The following SHISA9 variants were observed in gnomAD, a reference collection of about 807,000 sequenced individuals.
SHISA9 encodes the protein shisa family member 9.
SHISA9 carries 13 observed loss-of-function variants against 38.0 expected under a neutral mutation model. The ratio of observed to expected loss-of-function variants is 0.34; its 90% CI spans 0.22 to 0.54. The LOEUF (loss-of-function observed/expected upper bound fraction) is 0.54, where lower values mean the gene tolerates loss of function less well. SHISA9 is among the 20% of genes least tolerant of loss of function. The probability of loss-of-function intolerance (pLI) is 0.91; values close to 1 mark genes in which losing one functional copy is unlikely to be tolerated. For synonymous variants in SHISA9, 275 were observed against 242.0 expected, an observed-to-expected ratio of 1.14 and a Z score of -1.27; for missense variants, 538 against 575.8, an observed-to-expected ratio of 0.93 and a Z score of 0.67.
At chr16:12,987,225 A>G (rs1359592096) in intron 2 of SHISA9, among the ~76,000 whole-genome samples, 1 of 152,218 alleles carries the variant, frequency 6.6e-6, no homozygotes, top group Non-Finnish European at 1.5e-5. Flanking sequence ...CAGTTTCAAA[A>G]GGGTAAATTC....
intron 2 of SHISA9, among the ~76,000 whole-genome samples, chr16:13,173,078 T>G (rs1402072735): frequency 6.6e-6 from 1 of 152,080 alleles, no homozygotes; most frequent in African/African-American, 2.4e-5. Context: ...TTTGTTTCAT[T>G]GAAAATACAT....
intron 2 of SHISA9, among the ~76,000 whole-genome samples, chr16:13,091,237 T>C (rs923608436): frequency 6.6e-6 from 1 of 152,224 alleles, no homozygotes; most frequent in Non-Finnish European, 1.5e-5. Context: ...TAACACTTTT[T>C]CCTTCATTTC....
At chr16:13,052,022 C>G (rs2073257457) in intron 2 of SHISA9, among the ~76,000 whole-genome samples, 1 of 152,154 alleles carries the variant, frequency 6.6e-6, no homozygotes, top group Admixed American at 6.5e-5. Flanking sequence ...CTCGGCCTCC[C>G]AAAGTACTGG....
chr16:13,267,542 A>G, the SHISA9 span, among the ~76,000 whole-genome samples: 7 of 152,216 alleles, frequency 4.6e-5, no homozygotes, highest in Non-Finnish European at 1.0e-4. Flanking sequence ...TTCTACCTCC[A>G]AGACAGCAAT....
At chr16:13,472,376 A>ATTTTTTTTTTTTTTTT in the SHISA9 span, among the ~76,000 whole-genome samples, 1 of 113,436 alleles carries the variant, frequency 8.8e-6, no homozygotes, top group African/African-American at 3.6e-5. Flanking sequence ...CGCTCTGCTA[A>ATTTTTTTTTTTTTTTT]ATTTTTTTTT....
At chr16:13,324,465 T>C in the SHISA9 span, among the ~76,000 whole-genome samples, 1 of 152,086 alleles carries the variant, frequency 6.6e-6, no homozygotes, top group Non-Finnish European at 1.5e-5. Context: ...GCACAAGCTC[T>C]AGATTAAGGC....
At chr16:13,173,153 G>GCACACACACACACA (rs10589865) in intron 2 of SHISA9, among the ~76,000 whole-genome samples, 1 of 150,686 alleles carries the variant, frequency 6.6e-6, no homozygotes, top group Non-Finnish European at 1.5e-5. Context: ...ATGCACGTGC[G>GCACACACACACACA]CACACACACA....
At chr16:13,534,849 T>C in the SHISA9 span, among the ~76,000 whole-genome samples, 4 of 152,178 alleles carry the variant, frequency 2.6e-5, no homozygotes, top group African/African-American at 7.2e-5. Flanking sequence ...CTTTGCCTTC[T>C]AAAATCTTTC....
intron 2 of SHISA9, among the ~76,000 whole-genome samples, chr16:13,086,850 C>CT (rs11382833): frequency 0.2 from 30,330 of 151,650 alleles, 5,635 homozygotes; most frequent in African/African-American, 0.48. Flanking sequence ...CATCTGTTTT[C>CT]TTTTTTATTA....
chr16:13,148,889 C>T (rs550422863), intron 2 of SHISA9, among the ~76,000 whole-genome samples: 239 of 152,132 alleles, frequency 1.6e-3, no homozygotes, highest in African/African-American at 5.5e-3. Flanking sequence ...CTATTTTTAG[C>T]TCCCCCGAGG....
intron 2 of SHISA9, among the ~76,000 whole-genome samples, chr16:13,131,667 GC>G (rs2050307913): frequency 6.6e-6 from 1 of 152,112 alleles, no homozygotes; most frequent in Non-Finnish European, 1.5e-5. Flanking sequence ...GCAGGTGACA[GC>G]CATATTTGGC....
intron 4 of SHISA9, among the ~76,000 whole-genome samples, chr16:13,234,795 C>T (rs2051364941): frequency 6.6e-6 from 1 of 152,038 alleles, no homozygotes; most frequent in African/African-American, 2.4e-5. Context: ...TCTAGAGGTT[C>T]CCTTGGGGAT....
chr16:13,327,441 C>T, the SHISA9 span, among the ~76,000 whole-genome samples: 1 of 152,048 alleles, frequency 6.6e-6, no homozygotes, highest in Non-Finnish European at 1.5e-5. Context: ...TATGGTGAAA[C>T]TCCATCTCTA....
At chr16:13,414,932 C>T in the SHISA9 span, among the ~76,000 whole-genome samples, 2 of 152,066 alleles carry the variant, frequency 1.3e-5, no homozygotes, top group South Asian at 2.1e-4. Context: ...TGTGCCTGGC[C>T]AGGAACAAGA....
chr16:13,506,339 T>C, the SHISA9 span, among the ~76,000 whole-genome samples: 3 of 152,146 alleles, frequency 2.0e-5, no homozygotes, highest in African/African-American at 4.8e-5. Context: ...TTGTGTGATT[T>C]CCATCCCAAC....
the SHISA9 span, among the ~76,000 whole-genome samples, chr16:13,383,668 T>C: frequency 1.3e-5 from 2 of 152,094 alleles, no homozygotes; most frequent in Non-Finnish European, 2.9e-5. Context: ...TTATTTATTT[T>C]GAGACAGAGT....
At chr16:13,290,385 T>G in the SHISA9 span, among the ~76,000 whole-genome samples, 1 of 152,054 alleles carries the variant, frequency 6.6e-6, no homozygotes, top group Non-Finnish European at 1.5e-5. Flanking sequence ...CACCCATGCT[T>G]TTAGCCAAGA....
the SHISA9 span, among the ~76,000 whole-genome samples, chr16:13,360,242 T>G: frequency 6.6e-5 from 10 of 152,204 alleles, no homozygotes; most frequent in African/African-American, 2.4e-4. Context: ...TCAGCTCACC[T>G]CTAAATTTTG....
At chr16:13,403,518 C>G in the SHISA9 span, among the ~76,000 whole-genome samples, 1 of 152,148 alleles carries the variant, frequency 6.6e-6, no homozygotes, top group Non-Finnish European at 1.5e-5. Flanking sequence ...CATGCTAATC[C>G]CATGTGGAAT....
Sources: allele counts gnomAD v4.1 joint callset (sites outside exome capture counted in the v4.1 genomes callset), GRCh38; gene constraint gnomAD v4.1.1; transcripts MANE v1.5; gene names NCBI Gene and HGNC (gene_info 2026-07-23, HGNC 2026-07-21).